DNAH11: variants seen among roughly 807,000 people sequenced by gnomAD.
DNAH11 encodes dynein axonemal heavy chain 11, also known as axonemal beta dynein heavy chain 11.
A neutral mutation model predicts 526.0 loss-of-function variants in DNAH11; 442 were observed. The observed-to-expected ratio is 0.84, with a 90% CI of 0.78 to 0.91. DNAH11 has a LOEUF of 0.91. Ranked by LOEUF, DNAH11 falls within the 40% of genes least tolerant of loss-of-function variation. The pLI, the probability that DNAH11 is intolerant of heterozygous loss-of-function variation, is 0.00. For synonymous variants in DNAH11, 2,461 were observed against 1,935.9 expected (o/e 1.27, Z -7.12); for missense variants, 6,989 against 5,448.7 (o/e 1.28, Z -8.90).
rs750430725 is a variant in DNAH11 at position 21,683,824 on chromosome 7, G to A, written c.5501G>A (p.Arg1834His). 1.7e-5 allele frequency: 28 copies of A among 1,611,348 alleles called. No individual in the cohort carries two copies. The highest frequency in any genetic ancestry group is 3.3e-5 in the Admixed American group (2 of 59,738). ...PQAFTWLSQL[R>H]HRWEDTQKHC... ...GCTTTTACATGGCTGTCTCAACTTC[G>A]TCACCGATGGGAGGATACCCAGAAA... Residue 1834 changes from arginine to histidine, a missense_variant, in exon 32 of 82, where the codon CGT (arginine) becomes CAT (histidine). Arg to His is a conservative substitution (Grantham distance 29). Coordinates refer to ENST00000409508, the MANE Select transcript of DNAH11 (RefSeq NM_001277115.2).
rs1447820313 is a variant in DNAH11 at position 21,588,152 on chromosome 7, A to T, written c.1799A>T (p.Asn600Ile). The change falls in exon 10 of 82, where the codon AAT (asparagine) becomes ATT (isoleucine). Residue 600 changes from asparagine to isoleucine, a missense_variant. Transcript: ENST00000409508. The stretch of plus-strand genomic sequence containing the variant: ...TACAGCACACTAGTGCATATGTTTA[A>T]TACAGAGCTGGATGTGTGTAAGCAA... Reference protein sequence around the residue: ...LHYSTLVHMFNTELDVCKQLY... With the variant: ...LHYSTLVHMFITELDVCKQLY... 6.2e-7 allele frequency: 1 copy of T among 1,613,496 alleles called. No individual in the cohort carries two copies. The highest frequency in any genetic ancestry group is 2.2e-5 in the East Asian group (1 of 44,802).
chr7:21,730,507 C>T (rs994953325), intron 45 of DNAH11, among the ~76,000 whole-genome samples: 3 of 152,196 alleles, frequency 2.0e-5, no homozygotes, highest in Non-Finnish European at 4.4e-5. Context: ...CAACTTGTAC[C>T]TTTCAGCCTT....
intron 40 of DNAH11, among the ~76,000 whole-genome samples, chr7:21,708,576 A>G (rs998522030): frequency 3.3e-5 from 5 of 152,176 alleles, no homozygotes; most frequent in Admixed American, 6.5e-5. Context: ...AATCACCTTT[A>G]TAATCCAACC....
At chr7:21,774,121 C>A in intron 56 of DNAH11, 122 bp downstream of exon 56, 1 of 908,492 alleles carries the variant, frequency 1.1e-6, no homozygotes, top group Non-Finnish European at 1.6e-6. Flanking sequence ...TTTACAGTTT[C>A]ATGACACCAA....
At chr7:21,795,549 A>T (rs1788672080) in intron 61 of DNAH11, among the ~76,000 whole-genome samples, 1 of 152,236 alleles carries the variant, frequency 6.6e-6, no homozygotes. Context: ...CACCTGACAC[A>T]TGAGAGGAAC....
chr7:21,816,322 GT>G (rs1205584831), intron 63 of DNAH11, 144 bp from the exon 64 acceptor site: 1 of 650,860 alleles, frequency 1.5e-6, no homozygotes, highest in Non-Finnish European at 2.7e-6. Flanking sequence ...CTAATGATGA[GT>G]TGTGTTTGGC....
chr7:21,873,411 A>G lies in DNAH11; in HGVS notation c.12105A>G (p.Gln4035=). 4 of 1,614,000 alleles carry G rather than the reference A, an allele frequency of 2.5e-6. No individual in the cohort carries two copies. The highest frequency in any genetic ancestry group is 2.5e-6 in the Non-Finnish European group (3 of 1,179,886). The change falls in exon 74 of 82, where the codon CAA becomes CAG. Residue 4035 remains glutamine, a synonymous_variant. Transcript: ENST00000409508. ...APTPDEHIIP[Q]GLLENSIKIT... ...CACCAGATGAGCATATCATCCCTCAAGGACTCCTGGAAAATTCCATTAAGA... is the reference window on the plus strand; with the variant it reads ...CACCAGATGAGCATATCATCCCTCAGGGACTCCTGGAAAATTCCATTAAGA...
intron 6 of DNAH11, among the ~76,000 whole-genome samples, chr7:21,565,592 AG>A (rs927569499): frequency 2.6e-5 from 4 of 152,168 alleles, no homozygotes; most frequent in African/African-American, 9.7e-5. Context: ...GATTCTGAAA[AG>A]ATAGAGTGGT....
chr7:21,683,677 T>C, intron 31 of DNAH11, 107 bp from the exon 32 acceptor site: 7 of 1,261,976 alleles, frequency 5.5e-6, no homozygotes, highest in Non-Finnish European at 7.4e-6. Flanking sequence ...AGAGATTTCC[T>C]ATTTATGAGA....
chr7:21,587,658 C>A (rs571376703), intron 9 of DNAH11, among the ~76,000 whole-genome samples: 2 of 151,892 alleles, frequency 1.3e-5, no homozygotes, highest in African/African-American at 4.8e-5. Flanking sequence ...ACCTAGAGGG[C>A]CTTAATATGG....
chr7:21,698,313 A>T (rs566663113), intron 36 of DNAH11, 100 bp downstream of exon 36: 5 of 1,504,134 alleles, frequency 3.3e-6, no homozygotes, highest in Admixed American at 2.4e-5. Flanking sequence ...TACATTAGAC[A>T]TTAAAATTTT....
chr7:21,867,780 T>C, intron 71 of DNAH11, 79 bp from the exon 72 acceptor site: 5 of 1,347,936 alleles, frequency 3.7e-6, no homozygotes, highest in Non-Finnish European at 5.2e-6. Context: ...TGTGCCTGTG[T>C]GGTTTAAGCT....
intron 74 of DNAH11, 62 bp downstream of exon 74, chr7:21,873,563 G>A (rs1783580643): frequency 5.3e-6 from 8 of 1,515,640 alleles, no homozygotes; most frequent in Non-Finnish European, 7.3e-6. Context: ...AGACTGTGGG[G>A]CCCAGAATCA....
intron 54 of DNAH11, among the ~76,000 whole-genome samples, chr7:21,757,553 C>T (rs867275223): frequency 2.6e-5 from 4 of 152,124 alleles, no homozygotes; most frequent in South Asian, 2.1e-4. Context: ...AAATCAACTT[C>T]GGAGGAATTA....
intron 61 of DNAH11, among the ~76,000 whole-genome samples, chr7:21,797,920 G>A (rs538716126): frequency 6.6e-6 from 1 of 152,336 alleles, no homozygotes; most frequent in East Asian, 1.9e-4. Flanking sequence ...CTTGCTGAAT[G>A]TGCTGTGCCA....
intron 54 of DNAH11, among the ~76,000 whole-genome samples, chr7:21,753,390 G>A (rs994688204): frequency 6.6e-5 from 10 of 152,152 alleles, no homozygotes; most frequent in African/African-American, 2.2e-4. Flanking sequence ...TTGCCTTTAT[G>A]AGTACAATTT....
chr7:21,609,086 C>G (rs917107299), intron 20 of DNAH11, among the ~76,000 whole-genome samples: 2 of 152,158 alleles, frequency 1.3e-5, no homozygotes, highest in Non-Finnish European at 2.9e-5. Context: ...GTGAATCCCT[C>G]CCTTTAAAAT....
chr7:21,687,229 A>T lies in DNAH11; in HGVS notation c.5752A>T (p.Asn1918Tyr), dbSNP rs762939189. 1 of 1,599,400 alleles carries T rather than the reference A, an allele frequency of 6.3e-7. No individual in the cohort carries two copies. Among genetic ancestry groups the T allele is most frequent in the East Asian group, 2.2e-5 (1 of 44,752 alleles). The stretch of plus-strand genomic sequence containing the variant: ...CCTTGGCATGATGGTCTATGTATTC[A>T]ACTGTTCAGAGCAAATGGACTACAA... ...RALGMMVYVF[N>Y]CSEQMDYKSI... The change falls in exon 33 of 82, where the codon AAC (asparagine) becomes TAC (tyrosine). Residue 1918 changes from asparagine to tyrosine, a missense_variant. By Grantham distance (143) the Asn-to-Tyr change is moderately radical (BLOSUM62 -2). Coordinates refer to ENST00000409508, the MANE Select transcript of DNAH11 (RefSeq NM_001277115.2).
intron 65 of DNAH11, among the ~76,000 whole-genome samples, chr7:21,838,805 C>T (rs796272301): frequency 2.8e-4 from 42 of 151,810 alleles, no homozygotes; most frequent in African/African-American, 8.5e-4. Flanking sequence ...TCACAGCTCA[C>T]GGCAGCCTCG....
Sources: gnomAD v4.1 joint callset for allele counts (sites outside exome capture counted in the v4.1 genomes callset) on GRCh38, gnomAD v4.1.1 for gene constraint, MANE v1.5 for transcripts, NCBI Gene and HGNC (gene_info 2026-07-23, HGNC 2026-07-21) for gene names.